Variants in MDGA2 observed in about 807,000 individuals in gnomAD.
MDGA2 encodes the protein MAM domain-containing glycosylphosphatidylinositol anchor protein 2.
MDGA2 carries 40 observed loss-of-function variants against 117.8 expected under a neutral mutation model. That is an observed-to-expected ratio of 0.34 (90% CI 0.26 to 0.44). MDGA2 has a LOEUF of 0.44. Ranked by LOEUF, MDGA2 falls within the 20% of genes least tolerant of loss-of-function variation. MDGA2 has a pLI of 1.00. For missense variants in MDGA2, 1,123 were observed against 1,250.6 expected (o/e 0.90, Z 1.54); for synonymous variants, 452 against 439.0 (o/e 1.03, Z -0.37).
chr14:47,429,449 T>C (rs1892755566), intron 1 of MDGA2, among the ~76,000 whole-genome samples: 2 of 152,156 alleles, frequency 1.3e-5, no homozygotes, highest in Admixed American at 6.6e-5. Context: ...TTTCACTTTA[T>C]TCATGGTCTG....
At chr14:46,870,780 A>G (rs1038465273) in intron 14 of MDGA2, among the ~76,000 whole-genome samples, 8 of 152,008 alleles carry the variant, frequency 5.3e-5, no homozygotes, top group Admixed American at 5.3e-4. Flanking sequence ...TCCATTGACA[A>G]TAAAGAAGAT....
intron 2 of MDGA2, among the ~76,000 whole-genome samples, chr14:47,271,851 C>A (rs532275982): frequency 6.6e-6 from 1 of 152,006 alleles, no homozygotes; most frequent in Middle Eastern, 3.2e-3. Flanking sequence ...ATTGTGGTGA[C>A]CAAATTCCAG....
chr14:47,484,216 A>G (rs1312976372), intron 1 of MDGA2, among the ~76,000 whole-genome samples: 4 of 152,114 alleles, frequency 2.6e-5, no homozygotes, highest in African/African-American at 9.7e-5. Flanking sequence ...CAGAATTATG[A>G]TATAAAAATT....
chr14:47,384,861 C>T (rs1159924711), intron 1 of MDGA2, among the ~76,000 whole-genome samples: 2 of 152,150 alleles, frequency 1.3e-5, no homozygotes, highest in African/African-American at 4.8e-5. Context: ...ATCAGGAAAC[C>T]ATGCAACCAG....
intron 1 of MDGA2, among the ~76,000 whole-genome samples, chr14:47,604,489 C>CG (rs1475363340): frequency 7.3e-5 from 9 of 122,988 alleles, no homozygotes; most frequent in South Asian, 3.0e-4. Flanking sequence ...GCTTCCCCAC[C>CG]CCCCCCCACC....
At chr14:47,489,591 A>G (rs1002534414) in intron 1 of MDGA2, among the ~76,000 whole-genome samples, 6 of 152,088 alleles carry the variant, frequency 3.9e-5, no homozygotes, top group Non-Finnish European at 7.4e-5. Context: ...CAAACAGTAA[A>G]TGGACTATAT....
chr14:46,996,928 A>G, intron 8 of MDGA2: 1 of 383,616 alleles, frequency 2.6e-6, no homozygotes, highest in South Asian at 2.4e-5. Context: ...ACCTAGCAGC[A>G]ACCCAGGAAT....
At chr14:46,866,827 C>T (rs570014866) in intron 14 of MDGA2, among the ~76,000 whole-genome samples, 95 of 152,258 alleles carry the variant, frequency 6.2e-4, no homozygotes, top group African/African-American at 2.1e-3. Context: ...AAATGCAAAT[C>T]AAAACCACAA....
At chr14:47,520,436 G>T (rs1217881744) in intron 1 of MDGA2, among the ~76,000 whole-genome samples, 1 of 152,152 alleles carries the variant, frequency 6.6e-6, no homozygotes, top group Non-Finnish European at 1.5e-5. Flanking sequence ...TCCCAGAAGA[G>T]GCTGATGTCA....
At chr14:47,260,886 C>T (rs1887774958) in intron 2 of MDGA2, among the ~76,000 whole-genome samples, 2 of 151,976 alleles carry the variant, frequency 1.3e-5, no homozygotes, top group Admixed American at 6.6e-5. Context: ...ATGCAACTAC[C>T]AGCAAAGATT....
chr14:47,499,050 A>G (rs925696871), intron 1 of MDGA2, among the ~76,000 whole-genome samples: 4 of 152,054 alleles, frequency 2.6e-5, no homozygotes, highest in Non-Finnish European at 5.9e-5. Context: ...TTATATGCCA[A>G]TATGTTCATA....
intron 2 of MDGA2, among the ~76,000 whole-genome samples, chr14:47,289,306 C>CACACACACAA (rs1888796449): frequency 1.3e-5 from 1 of 76,356 alleles, no homozygotes; most frequent in Non-Finnish European, 3.3e-5. Flanking sequence ...TCTGGACTTA[C>CACACACACAA]ACACACACAC....
rs114413023 is a variant in MDGA2 at position 47,647,467 on chromosome 14, C to G, written c.280+27050G>C. On this transcript the variant is annotated intron_variant, in intron 1 of 16. Transcript: ENST00000399232. Reference sequence around the variant, plus strand: ...TGATAATTTATGTGAAACACAATTCCACTTCTCCATTTGGCTCAGGGACTG... The same window carrying G: ...TGATAATTTATGTGAAACACAATTCGACTTCTCCATTTGGCTCAGGGACTG... Among the ~76,000 whole-genome samples, 249 of 152,116 alleles carry G rather than the reference C, an allele frequency of 1.6e-3. 1 individual carries two copies. Among genetic ancestry groups the G allele is most frequent in the African/African-American group, 5.7e-3 (235 of 41,526 alleles).
At chr14:47,155,563 C>G (rs544165521) in intron 3 of MDGA2, among the ~76,000 whole-genome samples, 27 of 152,206 alleles carry the variant, frequency 1.8e-4, no homozygotes, top group Admixed American at 1.2e-3. Context: ...TAGCAGGGAG[C>G]CAACGCCCAT....
chr14:47,131,134 T>C (rs1221832033), intron 5 of MDGA2, among the ~76,000 whole-genome samples: 1 of 152,062 alleles, frequency 6.6e-6, no homozygotes, highest in Non-Finnish European at 1.5e-5. Flanking sequence ...TATGTTTTTC[T>C]CATATACCTT....
At chr14:47,141,594 T>A (rs1474629068) in intron 4 of MDGA2, among the ~76,000 whole-genome samples, 2 of 152,156 alleles carry the variant, frequency 1.3e-5, no homozygotes, top group Non-Finnish European at 2.9e-5. Context: ...CTGGAGGACA[T>A]TATGTTAAGT....
At chr14:47,650,873 A>C (rs894407505) in intron 1 of MDGA2, among the ~76,000 whole-genome samples, 25 of 152,162 alleles carry the variant, frequency 1.6e-4, no homozygotes, top group African/African-American at 6.0e-4. Context: ...TTCTTTTTGC[A>C]AACTTTTATT....
At chr14:47,041,416 G>C (rs966943862) in intron 7 of MDGA2, among the ~76,000 whole-genome samples, 8 of 152,124 alleles carry the variant, frequency 5.3e-5, no homozygotes, top group Middle Eastern at 3.4e-3. Flanking sequence ...TCTATACCAT[G>C]TAAGATCCCC....
At chr14:47,050,016 A>C (rs904674899) in intron 7 of MDGA2, among the ~76,000 whole-genome samples, 5 of 152,048 alleles carry the variant, frequency 3.3e-5, no homozygotes, top group Non-Finnish European at 1.5e-5. Flanking sequence ...ATAGGTCAGA[A>C]GGCAGATACA....
Sources: gnomAD v4.1 joint callset for allele counts (sites outside exome capture counted in the v4.1 genomes callset) on GRCh38, gnomAD v4.1.1 for gene constraint, MANE v1.5 for transcripts, NCBI Gene and HGNC (gene_info 2026-07-23, HGNC 2026-07-21) for gene names.